Variants in PGS1 observed in about 807,000 individuals in gnomAD.
PGS1 encodes phosphatidylglycerophosphate synthase 1, also known as CDP-diacylglycerol--glycerol-3-phosphate 3-phosphatidyltransferase, mitochondrial.
PGS1 carries 44 observed loss-of-function variants against 58.3 expected under a neutral mutation model. The observed-to-expected ratio is 0.75, with a 90% CI of 0.59 to 0.97. The LOEUF (loss-of-function observed/expected upper bound fraction) is 0.97, where lower values mean the gene tolerates loss of function less well. Ranked by LOEUF, PGS1 falls within the 50% of genes least tolerant of loss-of-function variation. The pLI is 0.00. For missense variants in PGS1, 684 were observed against 731.1 expected, an observed-to-expected ratio of 0.94 and a Z score of 0.74; for synonymous variants, 330 against 311.0, an observed-to-expected ratio of 1.06 and a Z score of -0.64.
At chr17:78,414,783 G>A in intron 7 of PGS1, 96 bp from the exon 8 acceptor site, 1 of 1,418,462 alleles carries the variant, frequency 7.0e-7, no homozygotes, top group Admixed American at 1.8e-5. Context: ...GGCACCCAGG[G>A]CAGGCCGCCT....
chr17:78,390,009 G>A (rs1308503303), intron 1 of PGS1, among the ~76,000 whole-genome samples: 1 of 152,174 alleles, frequency 6.6e-6, no homozygotes, highest in Non-Finnish European at 1.5e-5. Context: ...CTGAGAGATG[G>A]CAGAAATGCT....
At chr17:78,394,954 G>T (rs2083116699) in intron 2 of PGS1, among the ~76,000 whole-genome samples, 1 of 152,210 alleles carries the variant, frequency 6.6e-6, no homozygotes, top group African/African-American at 2.4e-5. Context: ...CAGGAGGTCG[G>T]GCCCTGCCTG....
At chr17:78,415,663 G>A (rs2146319321) in intron 8 of PGS1, among the ~76,000 whole-genome samples, 2 of 152,284 alleles carry the variant, frequency 1.3e-5, no homozygotes, top group South Asian at 4.1e-4. Context: ...AGTGGTTTCG[G>A]CCCTCGTTTG....
intron 7 of PGS1, among the ~76,000 whole-genome samples, chr17:78,408,992 C>T (rs1283498583): frequency 2.6e-5 from 4 of 152,178 alleles, no homozygotes; most frequent in Non-Finnish European, 4.4e-5. Flanking sequence ...CCTTGTCAGC[C>T]GTTGAAAGTG....
Position 78,424,399 on chromosome 17 carries a change from AATCTGTGGCATTTTCAGAGCCTC to A in PGS1, c.*356_*378del, listed in dbSNP as rs1458913325. On this transcript the variant is annotated 3_prime_UTR_variant, in exon 10 of 10. Transcript: ENST00000262764. ...AAAGCCCTCGGGTTCCATCCGTTTAAATCTGTGGCATTTTCAGAGCCTCATCTGTCAGCCTTAATGTCAGTGGC... is the reference window on the plus strand; with the variant it reads ...AAAGCCCTCGGGTTCCATCCGTTTAAATCTGTCAGCCTTAATGTCAGTGGC... 4.3e-6 allele frequency: 2 copies of A among 461,404 alleles called. No individual in the cohort carries two copies. The highest frequency in any genetic ancestry group is 7.7e-6 in the Non-Finnish European group (2 of 258,664). 28.6% of individuals were successfully genotyped at this position (461,404 alleles called of 1,614,324 possible).
At chr17:78,405,738 G>T (rs1282146285) in intron 7 of PGS1, among the ~76,000 whole-genome samples, 1 of 152,198 alleles carries the variant, frequency 6.6e-6, no homozygotes, top group Non-Finnish European at 1.5e-5. Flanking sequence ...AAGGGGAAAT[G>T]GTGCCTGGAG....
intron 9 of PGS1, chr17:78,423,750 C>T (rs953388197): frequency 1.0e-6 from 1 of 974,334 alleles, no homozygotes; most frequent in African/African-American, 1.6e-5. Context: ...CAACCTCCAC[C>T]CTCTGGTTCC....
chr17:78,384,982 T>A (rs1338726497), intron 1 of PGS1, among the ~76,000 whole-genome samples: 1 of 152,250 alleles, frequency 6.6e-6, no homozygotes, highest in African/African-American at 2.4e-5. Flanking sequence ...CTCCAGGCGC[T>A]GTTGACACGC....
chr17:78,414,779 C>T (rs1193053479), intron 7 of PGS1, 100 bp from the exon 8 acceptor site: 3 of 1,382,644 alleles, frequency 2.2e-6, no homozygotes, highest in Admixed American at 3.6e-5. Context: ...TCCAGGCACC[C>T]AGGGCAGGCC....
chr17:78,398,794 C>T (rs185988812), intron 4 of PGS1, among the ~76,000 whole-genome samples: 176 of 152,344 alleles, frequency 1.2e-3, no homozygotes, highest in African/African-American at 3.9e-3. Flanking sequence ...TTCCTTTGGG[C>T]TGGCTTCCTT....
chr17:78,400,709 G>A lies in PGS1; in HGVS notation c.734G>A (p.Arg245His), dbSNP rs749520109. 8 of 1,613,584 alleles carry A rather than the reference G, an allele frequency of 5.0e-6. No homozygotes were observed. Among genetic ancestry groups the A allele is most frequent in the Non-Finnish European group, 5.9e-6 (7 of 1,179,888 alleles). The change falls in exon 6 of 10, where the codon CGC (arginine) becomes CAC (histidine). Residue 245 changes from arginine (R) to histidine (H), a missense_variant. Arg to His is a conservative substitution (Grantham distance 29). Transcript: ENST00000262764. The surrounding 1 kb of genome is among the most constrained non-coding windows in gnomAD (Gnocchi z 4.4). ...CTGAGTGACTCCTACTTCACCAACCGCCAGGACCGCTACGTGTTCCTGCAG... is the reference window on the plus strand; with the variant it reads ...CTGAGTGACTCCTACTTCACCAACCACCAGGACCGCTACGTGTTCCTGCAG... The part of the protein sequence containing the change: ...ANLSDSYFTN[R>H]QDRYVFLQDC...
chr17:78,414,507 T>C (rs1429800455), intron 7 of PGS1, among the ~76,000 whole-genome samples: 1 of 152,154 alleles, frequency 6.6e-6, no homozygotes, highest in African/African-American at 2.4e-5. Context: ...CCCTGAGCTC[T>C]CTGGGGAGAG....
intron 7 of PGS1, among the ~76,000 whole-genome samples, chr17:78,412,602 G>T (rs2084811154): frequency 6.6e-6 from 1 of 152,202 alleles, no homozygotes; most frequent in Non-Finnish European, 1.5e-5. Context: ...CAAATAAAAA[G>T]CATGTGTAGA....
rs2084183387 is a variant in PGS1 at position 78,406,761 on chromosome 17, A to T, written c.1402+2672A>T. 3.3e-5 allele frequency among the ~76,000 whole-genome samples: 5 copies of T among 151,856 alleles called. 1 individual carries two copies. Among genetic ancestry groups the T allele is most frequent in the Admixed American group, 3.3e-4 (5 of 15,268 alleles). On this transcript the variant is annotated intron_variant, in intron 7 of 9. Coordinates refer to ENST00000262764, the MANE Select transcript of PGS1 (RefSeq NM_024419.5). ...AGTGGGGCAGCTTTGACCTTTGGGG[A>T]GGCCTCAGACCCACACTGTCGTGTG...
At chr17:78,421,672 C>T (rs990637222) in intron 9 of PGS1, 10 of 152,272 alleles carry the variant, frequency 6.6e-5, no homozygotes, top group African/African-American at 1.7e-4. Context: ...GAGAGAGGCT[C>T]TCGGTAAACA....
chr17:78,400,897 G>A lies in PGS1; in HGVS notation c.880+42G>A, dbSNP rs371503543. 1.1e-5 allele frequency: 17 copies of A among 1,509,964 alleles called. No homozygotes were observed. The highest frequency in any genetic ancestry group is 6.8e-5 in the African/African-American group (5 of 73,144). 93.5% of individuals were successfully genotyped at this position (1,509,964 alleles called of 1,614,324 possible). ...ACACCCTTCTATGGCTGTGGGTGGGGTGGAGTGAGGGCCCGGGAGAGCACA... is the reference window on the plus strand; with the variant it reads ...ACACCCTTCTATGGCTGTGGGTGGGATGGAGTGAGGGCCCGGGAGAGCACA... On this transcript the variant is annotated intron_variant, in intron 6 of 9. Coordinates refer to ENST00000262764, the MANE Select transcript of PGS1 (RefSeq NM_024419.5). The surrounding 1 kb of genome is among the most constrained non-coding windows in gnomAD (Gnocchi z 4.4).
At chr17:78,401,970 C>G (rs550039451) in intron 6 of PGS1, among the ~76,000 whole-genome samples, 1 of 152,312 alleles carries the variant, frequency 6.6e-6, no homozygotes, top group South Asian at 2.1e-4. Context: ...TGAGAGCCAG[C>G]ACGCTCCGAG....
At chr17:78,410,497 G>A (rs1361881009) in intron 7 of PGS1, among the ~76,000 whole-genome samples, 3 of 104,156 alleles carry the variant, frequency 2.9e-5, no homozygotes, top group African/African-American at 7.6e-5. Context: ...TTTTTGGGAC[G>A]GAGTCTTGCT....
intron 1 of PGS1, among the ~76,000 whole-genome samples, chr17:78,387,324 G>GT (rs1329825134): frequency 1.3e-5 from 2 of 148,558 alleles, no homozygotes; most frequent in Non-Finnish European, 1.5e-5. Flanking sequence ...TTGAGACGGA[G>GT]TTTTTCCTCT....
Sources: gnomAD v4.1 joint callset for allele counts (sites outside exome capture counted in the v4.1 genomes callset) on GRCh38, gnomAD v4.1.1 for gene constraint, Gnocchi (gnomAD v3.1) non-coding constraint, MANE v1.5 for transcripts, NCBI Gene and HGNC (gene_info 2026-07-23, HGNC 2026-07-21) for gene names.